Variants in PSMC6 observed in about 807,000 individuals in gnomAD.
PSMC6 encodes 26S proteasome regulatory subunit 10B.
PSMC6 carries 3 observed loss-of-function variants against 55.9 expected under a neutral mutation model. The observed-to-expected ratio is 0.05, with a 90% CI of 0.02 to 0.14. The LOEUF (loss-of-function observed/expected upper bound fraction) is 0.14, where lower values mean the gene tolerates loss of function less well. PSMC6 is among the 10% of genes least tolerant of loss of function. PSMC6 has a pLI of 1.00. For missense variants in PSMC6, 210 were observed against 478.7 expected, an observed-to-expected ratio of 0.44 and a Z score of 5.24; for synonymous variants, 137 against 155.9, an observed-to-expected ratio of 0.88 and a Z score of 0.90.
At chr14:52,718,951 A>G (rs1162806184) in intron 9 of PSMC6, 26 bp from the exon 10 acceptor site, 3 of 1,568,260 alleles carry the variant, frequency 1.9e-6, no homozygotes, top group African/African-American at 1.4e-5. Context: ...AGTAATGCAT[A>G]TAAATTTCCA....
intron 4 of PSMC6, chr14:52,710,231 GC>G (rs2041754999): frequency 6.6e-6 from 1 of 152,210 alleles, no homozygotes; most frequent in African/African-American, 2.4e-5. Flanking sequence ...ATCAAGACCA[GC>G]CTGACCAACA....
At position 52,718,990 on chromosome 14, in the gene PSMC6, T is replaced by G; in HGVS notation, c.729T>G (p.Phe243Leu). The G allele has an allele frequency of 6.2e-7, 1 of 1,612,542 alleles. No homozygotes were observed. Among genetic ancestry groups the G allele is most frequent in the Non-Finnish European group, 8.5e-7 (1 of 1,178,560 alleles). The change falls in exon 10 of 14, where the codon TTT (phenylalanine) becomes TTG (leucine). Residue 243 changes from phenylalanine (F) to leucine (L), a missense_variant. By Grantham distance (22) the Phe-to-Leu change is conservative. This residue lies in a region of PSMC6 where 4 missense variants were observed against 52.7 expected (regional missense o/e 0.08). Coordinates refer to ENST00000445930, the MANE Select transcript of PSMC6 (RefSeq NM_002806.5). ...CTACTATCTTAGGTGGTCGTCGGTT[T>G]TCTGAGGGTACTTCAGCTGACAGAG... ...DEIDAIGGRR[F>L]SEGTSADREI...
At chr14:52,707,372 C>T in intron 1 of PSMC6, 68 bp downstream of exon 1, 1 of 1,593,708 alleles carries the variant, frequency 6.3e-7, no homozygotes, top group Non-Finnish European at 8.5e-7. Flanking sequence ...AAAGCAGAAG[C>T]CTTTCGCCGA....
In PSMC6 at chr14:52,727,650, G is replaced by A; in HGVS notation, c.*33G>A. ...TAAGATTTTTGATGGCTGCATGACA[G>A]ATGTTGGCTTATTGTAAAAATAAAG... On this transcript the variant is annotated 3_prime_UTR_variant, in exon 14 of 14. Coordinates refer to ENST00000445930, the MANE Select transcript of PSMC6 (RefSeq NM_002806.5). The A allele has an allele frequency of 7.1e-7, 1 of 1,409,322 alleles. No homozygotes were observed. 87.3% of individuals were successfully genotyped at this position (1,409,322 alleles called of 1,614,324 possible). A position where few individuals can be genotyped will look rare whatever the true frequency, so the allele number is the denominator to read the frequency against.
chr14:52,727,700 G>C lies in PSMC6; in HGVS notation c.*83G>C, dbSNP rs1308382257. ...GTTAAAGAAAATAATGTATGTATTG[G>C]TAATGATGTCATTAAAAGTATATGA... On this transcript the variant is annotated 3_prime_UTR_variant, in exon 14 of 14. Transcript: ENST00000445930. The C allele has an allele frequency of 1.1e-5, 10 of 872,790 alleles. No homozygotes were observed. The highest frequency in any genetic ancestry group is 3.4e-5 in the African/African-American group (2 of 59,118). The allele number at this position is 872,790 out of a possible 1,614,324, so 54.1% of individuals were successfully genotyped here.
intron 6 of PSMC6, among the ~76,000 whole-genome samples, chr14:52,712,122 T>G (rs937720186): frequency 1.3e-5 from 2 of 152,200 alleles, no homozygotes; most frequent in African/African-American, 4.8e-5. Flanking sequence ...TATCCTAAAT[T>G]AGGCTGTGAA....
At position 52,723,898 on chromosome 14, in the gene PSMC6, C is replaced by T. The variant is rs528036745; in HGVS notation, c.980-67C>T. On this transcript the variant is annotated intron_variant, in intron 12 of 13. Transcript: ENST00000445930. Reference sequence around the variant, plus strand: ...AAGTAAGCTCTTCAGTTTAAATTTTCGATGTGGGCATAAATCAAGTAAAGG... The same window carrying T: ...AAGTAAGCTCTTCAGTTTAAATTTTTGATGTGGGCATAAATCAAGTAAAGG... 2.0e-5 allele frequency: 32 copies of T among 1,580,988 alleles called. No homozygotes were observed. In the East Asian group the frequency reaches 4.5e-4, roughly 22 times the overall value.
chr14:52,713,552 A>T (rs769088804), intron 6 of PSMC6, among the ~76,000 whole-genome samples: 2 of 152,118 alleles, frequency 1.3e-5, no homozygotes, highest in Non-Finnish European at 2.9e-5. Context: ...ATAATTTTTC[A>T]TTGAGGTATA....
intron 6 of PSMC6, among the ~76,000 whole-genome samples, chr14:52,711,834 T>C (rs2041776446): frequency 6.6e-6 from 1 of 152,192 alleles, no homozygotes; most frequent in African/African-American, 2.4e-5. Context: ...AATAAGTTAC[T>C]TGGGTCAGAG....
At chr14:52,721,217 A>T in intron 12 of PSMC6, 27 bp downstream of exon 12, 1 of 1,474,260 alleles carries the variant, frequency 6.8e-7, no homozygotes, top group South Asian at 1.3e-5. Flanking sequence ...TTTTATATGT[A>T]TTTACATTTG....
chr14:52,727,649 A>G lies in PSMC6; in HGVS notation c.*32A>G, dbSNP rs769130945. 13 of 1,416,620 alleles carry G rather than the reference A, an allele frequency of 9.2e-6. No homozygotes were observed. The South Asian group carries it at 1.4e-4, about 16-fold the overall frequency. 87.8% of individuals were successfully genotyped at this position (1,416,620 alleles called of 1,614,324 possible). The stretch of plus-strand genomic sequence containing the variant: ...GTAAGATTTTTGATGGCTGCATGAC[A>G]GATGTTGGCTTATTGTAAAAATAAA... On this transcript the variant is annotated 3_prime_UTR_variant, in exon 14 of 14. Coordinates refer to ENST00000445930, the MANE Select transcript of PSMC6 (RefSeq NM_002806.5).
intron 5 of PSMC6, 115 bp from the exon 6 acceptor site, chr14:52,711,295 C>T: frequency 1.6e-6 from 2 of 1,266,664 alleles, no homozygotes; most frequent in South Asian, 2.6e-5. Context: ...TCTAATTAAG[C>T]ACATCTTTAT....
intron 5 of PSMC6, 58 bp from the exon 6 acceptor site, chr14:52,711,352 C>G: frequency 1.4e-6 from 2 of 1,425,510 alleles, no homozygotes; most frequent in Non-Finnish European, 2.0e-6. Flanking sequence ...TATATGCTAT[C>G]TGTAGGCTAA....
At chr14:52,712,473 A>G (rs2041784159) in intron 6 of PSMC6, among the ~76,000 whole-genome samples, 2 of 152,050 alleles carry the variant, frequency 1.3e-5, no homozygotes, top group Non-Finnish European at 2.9e-5. Flanking sequence ...CTTGCTTTCA[A>G]CAGTGATTTG....
rs775248842 is a variant in PSMC6, at chr14:52,707,208, C to T, written c.-12C>T. 3.3e-5 allele frequency: 54 copies of T among 1,612,298 alleles called. No individual in the cohort carries two copies. The highest frequency in any genetic ancestry group is 4.0e-5 in the Non-Finnish European group (47 of 1,179,098). ...CATTCCCGGCATCCCCTATGAGAGA[C>T]GGCTTCTCATCATGGCGGACCCTAG... On this transcript the variant is annotated 5_prime_UTR_variant, in exon 1 of 14. It adds an upstream start codon to the 5' untranslated region. Transcript: ENST00000445930.
chr14:52,712,675 T>C (rs562646482), intron 6 of PSMC6, among the ~76,000 whole-genome samples: 2 of 152,178 alleles, frequency 1.3e-5, no homozygotes, highest in South Asian at 4.1e-4. Context: ...CAGGCTGGAA[T>C]GCAGTGGTGC....
chr14:52,717,989 C>T (rs1029811810), intron 7 of PSMC6, 92 bp from the exon 8 acceptor site: 30 of 1,195,578 alleles, frequency 2.5e-5, no homozygotes, highest in African/African-American at 2.4e-4. Context: ...GATCTCGCCA[C>T]ACTCCAGCCT....
At chr14:52,724,782 T>C (rs551632062) in intron 13 of PSMC6, among the ~76,000 whole-genome samples, 1 of 152,356 alleles carries the variant, frequency 6.6e-6, no homozygotes, top group African/African-American at 2.4e-5. Flanking sequence ...TTGTCTTCCA[T>C]ACAGAATCTT....
chr14:52,728,478 G>A lies in PSMC6; in HGVS notation c.*861G>A, dbSNP rs1167995346. 1 of 152,158 alleles carries A rather than the reference G, an allele frequency of 6.6e-6. No individual in the cohort carries two copies. Among genetic ancestry groups the A allele is most frequent in the East Asian group, 1.9e-4 (1 of 5,200 alleles). The allele number at this position is 152,158 out of a possible 1,614,324, so 9.4% of individuals were successfully genotyped here. On this transcript the variant is annotated 3_prime_UTR_variant, in exon 14 of 14. Coordinates refer to ENST00000445930, the MANE Select transcript of PSMC6 (RefSeq NM_002806.5). The stretch of plus-strand genomic sequence containing the variant: ...CTCTTTAGGTATGTATGGATACCTG[G>A]CTAAGAGTGTATGATGTAGGGGATG...
Sources: allele counts gnomAD v4.1 joint callset (sites outside exome capture counted in the v4.1 genomes callset), GRCh38; gene constraint gnomAD v4.1.1; regional missense constraint gnomAD v4.1.1; transcripts MANE v1.5; gene names NCBI Gene and HGNC (gene_info 2026-07-23, HGNC 2026-07-21).